Variants in CDKL4 observed in about 807,000 individuals in gnomAD.
CDKL4 encodes cyclin dependent kinase like 4, also known as cyclin-dependent kinase-like 4.
A neutral mutation model predicts 42.0 loss-of-function variants in CDKL4; 44 were observed. The ratio of observed to expected loss-of-function variants is 1.05; its 90% CI spans 0.82 to 1.35. The LOEUF (loss-of-function observed/expected upper bound fraction) is 1.35, where lower values mean the gene tolerates loss of function less well. Among genes scored for constraint, CDKL4 ranks in the 40% most tolerant of loss-of-function variants. The probability of loss-of-function intolerance (pLI) is 0.00; values close to 1 mark genes in which losing one functional copy is unlikely to be tolerated. For missense variants in CDKL4, 393 were observed against 369.9 expected (o/e 1.06, Z -0.51); for synonymous variants, 120 against 121.6 (o/e 0.99, Z 0.09).
chr2:39,173,615 C>T (rs781526901), downstream of CDKL4, among the ~76,000 whole-genome samples: 1 of 151,972 alleles, frequency 6.6e-6, no homozygotes, highest in Non-Finnish European at 1.5e-5. Context: ...CGAGACTATC[C>T]TGGCTAACAC....
At chr2:39,180,678 G>A (rs1226122300) in intron 8 of CDKL4, among the ~76,000 whole-genome samples, 1 of 149,222 alleles carries the variant, frequency 6.7e-6, no homozygotes, top group East Asian at 2.0e-4. Flanking sequence ...ACAATCAGGA[G>A]AGAAAGACTT....
intron 5 of CDKL4, among the ~76,000 whole-genome samples, chr2:39,200,360 C>T (rs141792823): frequency 0.025 from 3,788 of 152,220 alleles, 59 homozygotes; most frequent in Middle Eastern, 0.054. Flanking sequence ...AATGGAAACA[C>T]ATCCTATGCT....
At chr2:39,176,041 C>A in exon 10 of CDKL4, 1 of 470,948 alleles carries the variant, frequency 2.1e-6, no homozygotes, top group Non-Finnish European at 4.4e-6. Flanking sequence ...GACTTGTTTT[C>A]TTCCATCAGG....
chr2:39,208,178 G>C (rs1007989790), intron 4 of CDKL4, among the ~76,000 whole-genome samples: 2 of 151,818 alleles, frequency 1.3e-5, no homozygotes, highest in African/African-American at 4.8e-5. Flanking sequence ...GGGCATGGGG[G>C]GAAGAAGATG....
chr2:39,246,694 A>G (rs192881627), upstream of CDKL4, among the ~76,000 whole-genome samples: 18 of 151,944 alleles, frequency 1.2e-4, no homozygotes, highest in Middle Eastern at 3.5e-3. Flanking sequence ...ATCTATCAAC[A>G]ACCTGGTTTA....
chr2:39,205,544 C>T (rs1048993996), intron 4 of CDKL4, among the ~76,000 whole-genome samples: 1 of 151,670 alleles, frequency 6.6e-6, no homozygotes, highest in South Asian at 2.1e-4. Flanking sequence ...GCAGATCACG[C>T]GGTCAGGAGA....
chr2:39,241,800 C>T (rs1039283228), intron 1 of CDKL4, among the ~76,000 whole-genome samples: 2 of 152,182 alleles, frequency 1.3e-5, no homozygotes, highest in East Asian at 3.8e-4. Context: ...AACATTATCA[C>T]ATTGCCTTCT....
At chr2:39,170,643 G>C in the CDKL4 span, among the ~76,000 whole-genome samples, 4 of 152,062 alleles carry the variant, frequency 2.6e-5, no homozygotes, top group Admixed American at 2.0e-4. Context: ...TTTTAGGAGA[G>C]ACGGGGTTTC....
chr2:39,238,357 C>G (rs1053781254), intron 1 of CDKL4, among the ~76,000 whole-genome samples: 2 of 152,144 alleles, frequency 1.3e-5, no homozygotes, highest in Non-Finnish European at 2.9e-5. Flanking sequence ...CACCTGAGCC[C>G]AGGAGTTTGA....
chr2:39,213,911 TTTG>T (rs1677748181), intron 3 of CDKL4, among the ~76,000 whole-genome samples: 1 of 146,898 alleles, frequency 6.8e-6, no homozygotes, highest in African/African-American at 2.7e-5. Context: ...TTTGTTTTGT[TTTG>T]TTTTGTTTTG....
At chr2:39,209,353 A>T (rs1414977691) in intron 4 of CDKL4, among the ~76,000 whole-genome samples, 2 of 151,638 alleles carry the variant, frequency 1.3e-5, no homozygotes, top group African/African-American at 4.8e-5. Context: ...CCATTTTGAG[A>T]TGAAGCCCCT....
chr2:39,242,193 G>A (rs1209930396), intron 1 of CDKL4, among the ~76,000 whole-genome samples: 1 of 152,070 alleles, frequency 6.6e-6, no homozygotes, highest in Non-Finnish European at 1.5e-5. Context: ...CTACAGGCAT[G>A]TGCCACCATG....
At chr2:39,198,117 T>A (rs1676629428) in intron 5 of CDKL4, among the ~76,000 whole-genome samples, 2 of 152,056 alleles carry the variant, frequency 1.3e-5, no homozygotes, top group Admixed American at 1.3e-4. Context: ...AGGACTCACA[T>A]AAGCTTAAAG....
intron 4 of CDKL4, among the ~76,000 whole-genome samples, chr2:39,212,545 T>A (rs570256897): frequency 6.6e-6 from 1 of 151,364 alleles, no homozygotes; most frequent in Non-Finnish European, 1.5e-5. Context: ...AAACGGTTTT[T>A]AAAAAGGAAA....
At chr2:39,229,300 G>T in intron 2 of CDKL4, 65 bp downstream of exon 2, 1 of 1,160,572 alleles carries the variant, frequency 8.6e-7, no homozygotes. Context: ...AAAATTCTTT[G>T]CAATTTTAAC....
chr2:39,174,099 C>G (rs1675074884), downstream of CDKL4, among the ~76,000 whole-genome samples: 1 of 152,034 alleles, frequency 6.6e-6, no homozygotes, highest in South Asian at 2.1e-4. Flanking sequence ...CAGATCAGAT[C>G]AGCTCACTTA....
chr2:39,220,453 A>G lies in CDKL4; in HGVS notation c.290+5386T>C, dbSNP rs116458163. ...GGAGATTTACATAGCAAAAAGAACT[A>G]CAACATTTTGCTGATTTATAACGGG... On this transcript the variant is annotated intron_variant, in intron 3 of 9. Coordinates refer to ENST00000451199, the Ensembl canonical transcript of CDKL4. Among the ~76,000 whole-genome samples the G allele has an allele frequency of 2.3e-3, 354 of 152,348 alleles. 1 individual carries two copies. Among genetic ancestry groups the G allele is most frequent in the African/African-American group, 8.2e-3 (339 of 41,562 alleles).
chr2:39,179,841 C>T (rs1675335372), intron 8 of CDKL4, among the ~76,000 whole-genome samples: 1 of 152,112 alleles, frequency 6.6e-6, no homozygotes, highest in Admixed American at 6.5e-5. Flanking sequence ...GTGAGAACCT[C>T]AGTCATGAGA....
chr2:39,232,450 C>T (rs980299046), intron 1 of CDKL4, among the ~76,000 whole-genome samples: 1 of 152,194 alleles, frequency 6.6e-6, no homozygotes, highest in African/African-American at 2.4e-5. Context: ...ATGAGTATCT[C>T]TACATGAATG....
Sources: allele counts gnomAD v4.1 joint callset (sites outside exome capture counted in the v4.1 genomes callset), GRCh38; gene constraint gnomAD v4.1.1; transcripts MANE v1.5; gene names NCBI Gene and HGNC (gene_info 2026-07-23, HGNC 2026-07-21).